The following SKAP2 variants were observed in gnomAD, a reference collection of about 807,000 sequenced individuals.
SKAP2 encodes src kinase-associated phosphoprotein 2.
In SKAP2, 28 loss-of-function variants were observed where a neutral mutation model predicts 54.9. The observed-to-expected ratio is 0.51, with a 90% CI of 0.38 to 0.70. SKAP2 has a LOEUF of 0.70. Among genes scored for constraint, SKAP2 ranks in the 30% least tolerant of loss-of-function variants. The probability of loss-of-function intolerance (pLI) is 0.00; values close to 1 mark genes in which losing one functional copy is unlikely to be tolerated. For synonymous variants in SKAP2, 137 were observed against 134.3 expected (o/e 1.02, Z -0.14); for missense variants, 356 against 424.1 (o/e 0.84, Z 1.41).
intron 3 of SKAP2, among the ~76,000 whole-genome samples, chr7:26,851,053 T>A (rs2031811): frequency 6.6e-6 from 1 of 151,444 alleles, no homozygotes; most frequent in Non-Finnish European, 1.5e-5. Flanking sequence ...AAAATGGAAA[T>A]ACCAAAAAAA....
At chr7:26,785,638 T>C (rs1287910855) in intron 4 of SKAP2, among the ~76,000 whole-genome samples, 1 of 152,168 alleles carries the variant, frequency 6.6e-6, no homozygotes, top group Non-Finnish European at 1.5e-5. Flanking sequence ...ACATGGTCTA[T>C]CCTCCAAACT....
intron 9 of SKAP2, among the ~76,000 whole-genome samples, chr7:26,700,846 T>C (rs1000913971): frequency 1.3e-5 from 2 of 152,254 alleles, no homozygotes; most frequent in African/African-American, 4.8e-5. Context: ...TTTCTCATCC[T>C]TCATGTTTCC....
chr7:26,741,596 C>G (rs1641897923), intron 4 of SKAP2, among the ~76,000 whole-genome samples: 1 of 150,990 alleles, frequency 6.6e-6, no homozygotes, highest in Admixed American at 6.6e-5. Flanking sequence ...AATGAAATAA[C>G]TAAACAAATA....
chr7:26,840,800 G>C (rs1481495422), intron 4 of SKAP2, among the ~76,000 whole-genome samples: 2 of 151,982 alleles, frequency 1.3e-5, no homozygotes, highest in Admixed American at 6.6e-5. Context: ...TCTAACAGCA[G>C]TCATGCAATC....
At chr7:26,725,317 C>A in intron 9 of SKAP2, 111 bp downstream of exon 9, 1 of 678,716 alleles carries the variant, frequency 1.5e-6, no homozygotes, top group East Asian at 2.9e-5. Context: ...AATAGGTCAC[C>A]ATTTTCTACT....
At chr7:26,723,148 A>G (rs954664645) in intron 9 of SKAP2, among the ~76,000 whole-genome samples, 4 of 152,232 alleles carry the variant, frequency 2.6e-5, no homozygotes, top group African/African-American at 9.6e-5. Flanking sequence ...GTCCTGAAAG[A>G]GAGACAATTG....
chr7:26,808,940 G>C (rs1784081644), intron 4 of SKAP2, among the ~76,000 whole-genome samples: 1 of 152,174 alleles, frequency 6.6e-6, no homozygotes, highest in Non-Finnish European at 1.5e-5. Flanking sequence ...GCAAAAGTTG[G>C]TAAATGGGGT....
At chr7:26,734,302 C>A (rs1199747226) in intron 6 of SKAP2, among the ~76,000 whole-genome samples, 1 of 152,202 alleles carries the variant, frequency 6.6e-6, no homozygotes, top group East Asian at 1.9e-4. Context: ...GTCATACAAT[C>A]CTCTGCTTAA....
intron 4 of SKAP2, among the ~76,000 whole-genome samples, chr7:26,754,684 T>A (rs769914607): frequency 1.3e-5 from 2 of 152,158 alleles, no homozygotes; most frequent in Non-Finnish European, 2.9e-5. Flanking sequence ...AACAAAACGA[T>A]TGCTAACAAC....
chr7:26,789,465 C>T (rs1783628222), intron 4 of SKAP2, among the ~76,000 whole-genome samples: 1 of 152,174 alleles, frequency 6.6e-6, no homozygotes, highest in Admixed American at 6.5e-5. Flanking sequence ...CATTAAGCAT[C>T]ACTCACACAG....
intron 6 of SKAP2, among the ~76,000 whole-genome samples, chr7:26,735,149 T>A (rs922509979): frequency 6.6e-6 from 1 of 152,152 alleles, no homozygotes; most frequent in Admixed American, 6.5e-5. Flanking sequence ...ACCCAAACTG[T>A]GAGCACCTCT....
At chr7:26,754,187 A>C (rs1307911557) in intron 4 of SKAP2, among the ~76,000 whole-genome samples, 3 of 152,030 alleles carry the variant, frequency 2.0e-5, no homozygotes, top group African/African-American at 7.2e-5. Context: ...AAGATGGTGA[A>C]ACCCCTTCTC....
intron 4 of SKAP2, among the ~76,000 whole-genome samples, chr7:26,810,990 T>C (rs1314734840): frequency 6.6e-6 from 1 of 152,146 alleles, no homozygotes; most frequent in Non-Finnish European, 1.5e-5. Context: ...CTATATATAA[T>C]TTTAATTGTC....
At chr7:26,720,143 C>T (rs559283230) in intron 9 of SKAP2, among the ~76,000 whole-genome samples, 2 of 152,188 alleles carry the variant, frequency 1.3e-5, no homozygotes, top group African/African-American at 4.8e-5. Context: ...CAAACATACT[C>T]TGGGGTCAAT....
At chr7:26,660,779 C>T in the SKAP2 span, among the ~76,000 whole-genome samples, 2 of 151,988 alleles carry the variant, frequency 1.3e-5, no homozygotes, top group African/African-American at 4.8e-5. Flanking sequence ...GTAACAGGTA[C>T]ACAATGTGTC....
chr7:26,712,509 C>G (rs1180290817), intron 9 of SKAP2, among the ~76,000 whole-genome samples: 1 of 152,118 alleles, frequency 6.6e-6, no homozygotes, highest in African/African-American at 2.4e-5. Context: ...TGTTGAGAGA[C>G]AGTACAGTTA....
At chr7:26,849,568 C>T (rs1224927306) in intron 3 of SKAP2, among the ~76,000 whole-genome samples, 1 of 151,572 alleles carries the variant, frequency 6.6e-6, no homozygotes, top group Non-Finnish European at 1.5e-5. Flanking sequence ...GCCTGTAATC[C>T]CAGCTACTCG....
At chr7:26,797,884 C>CA (rs894710123) in intron 4 of SKAP2, among the ~76,000 whole-genome samples, 3 of 151,484 alleles carry the variant, frequency 2.0e-5, no homozygotes, top group Admixed American at 2.0e-4. Flanking sequence ...ATGCAACTGG[C>CA]ATACTGAAGA....
intron 4 of SKAP2, among the ~76,000 whole-genome samples, chr7:26,823,425 C>CAAAAAAAAAAAAA: frequency 1.1e-5 from 1 of 94,014 alleles, no homozygotes; most frequent in Admixed American, 1.3e-4. Context: ...GACTTTGTCT[C>CAAAAAAAAAAAAA]AAAAAAAAAA....
Sources: gnomAD v4.1 joint callset for allele counts (sites outside exome capture counted in the v4.1 genomes callset) on GRCh38, gnomAD v4.1.1 for gene constraint, MANE v1.5 for transcripts, NCBI Gene and HGNC (gene_info 2026-07-23, HGNC 2026-07-21) for gene names.